The following HOMER2 variants were observed in gnomAD, a reference collection of about 807,000 sequenced individuals.
The protein encoded by HOMER2 is homer scaffold protein 2.
A neutral mutation model predicts 47.0 loss-of-function variants in HOMER2; 27 were observed. The ratio of observed to expected loss-of-function variants is 0.57; its 90% CI spans 0.42 to 0.79. The LOEUF is 0.79. Ranked by LOEUF, HOMER2 falls within the 30% of genes least tolerant of loss-of-function variation. The probability of loss-of-function intolerance (pLI) is 0.00; values close to 1 mark genes in which losing one functional copy is unlikely to be tolerated. For synonymous variants in HOMER2, 161 were observed against 163.8 expected, an observed-to-expected ratio of 0.98 and a Z score of 0.13; for missense variants, 443 against 435.0, an observed-to-expected ratio of 1.02 and a Z score of -0.16.
chr15:82,946,429 C>T (rs1431211609), intron 1 of HOMER2, among the ~76,000 whole-genome samples: 1 of 152,228 alleles, frequency 6.6e-6, no homozygotes, highest in African/African-American at 2.4e-5. Flanking sequence ...TCTGCTCCAG[C>T]CATACTAGCT....
At chr15:82,945,753 G>A (rs967740348) in intron 1 of HOMER2, among the ~76,000 whole-genome samples, 5 of 152,056 alleles carry the variant, frequency 3.3e-5, no homozygotes, top group South Asian at 2.1e-4. Flanking sequence ...GGCAAATCAC[G>A]AGGTCAGGAG....
chr15:82,928,940 T>TAAAAAAAAAAAAAAAA lies in HOMER2; in HGVS notation c.5+23575_5+23590dup. Among the ~76,000 whole-genome samples, 14 of 39,920 alleles carry TAAAAAAAAAAAAAAAA rather than the reference T, an allele frequency of 3.5e-4. 3 individuals carry two copies. The highest frequency in any genetic ancestry group is 9.3e-4 in the African/African-American group (6 of 6,478). The allele number at this position is 39,920 out of a possible 152,430, so 26.2% of individuals were successfully genotyped here. Reference sequence around the variant, plus strand: ...TAACAACTGGCAAAAAAATAAAAACTAAAAAAAAAAAAAAAAAAAAGCTGT... The same window carrying TAAAAAAAAAAAAAAAA: ...TAACAACTGGCAAAAAAATAAAAACTAAAAAAAAAAAAAAAAAAAAAAAAAAAAAAAAAAAAGCTGT... On this transcript the variant is annotated intron_variant, in intron 1 of 8. Transcript: ENST00000450735.
intron 1 of HOMER2, among the ~76,000 whole-genome samples, chr15:82,902,197 A>ATTTT (rs35594463): frequency 0.17 from 22,806 of 134,834 alleles, 2,339 homozygotes; most frequent in South Asian, 0.32. Context: ...CATCCAAGTG[A>ATTTT]TTTTTTTTTT....
chr15:82,951,680 C>G (rs980638271), intron 1 of HOMER2, among the ~76,000 whole-genome samples: 6 of 152,268 alleles, frequency 3.9e-5, no homozygotes, highest in Admixed American at 6.5e-5. Flanking sequence ...AAGGCCACCC[C>G]TGCTACACAA....
At position 82,849,886 on chromosome 15, in the gene HOMER2, A is replaced by AT; in HGVS notation, c.860dup (p.Asn287LysfsTer16). On this transcript the variant is annotated frameshift_variant, in exon 9 of 9. Transcript: ENST00000450735. LOFTEE classifies it high-confidence loss of function. ...AACGCACTTTGTCTTCCAGGTTTTGATTGTCTCTCTCTGCCGCCTGGCCAA... is the reference window on the plus strand; with the variant it reads ...AACGCACTTTGTCTTCCAGGTTTTGATTTGTCTCTCTCTGCCGCCTGGCCAA... The AT allele has an allele frequency of 6.2e-7, 1 of 1,613,796 alleles. No homozygotes were observed. Among genetic ancestry groups the AT allele is most frequent in the South Asian group, 1.1e-5 (1 of 91,036 alleles).
At chr15:82,954,459 A>AG (rs1305018959), upstream of HOMER2, among the ~76,000 whole-genome samples, 43 of 124,602 alleles carry the variant, frequency 3.5e-4, no homozygotes, top group Non-Finnish European at 6.3e-4. Context: ...CACCACGCCC[A>AG]GTTTTTTTTT....
chr15:82,854,556 G>A (rs2053189434), intron 6 of HOMER2, 88 bp downstream of exon 6: 1 of 1,396,250 alleles, frequency 7.2e-7, no homozygotes, highest in Admixed American at 2.1e-5. Flanking sequence ...GGGCAAAGTT[G>A]GGGAGGGAGA....
chr15:82,876,725 C>T (rs945464858), intron 2 of HOMER2, among the ~76,000 whole-genome samples: 1 of 152,208 alleles, frequency 6.6e-6, no homozygotes, highest in African/African-American at 2.4e-5. Flanking sequence ...CAATGGTCAA[C>T]TCAGAACACT....
At chr15:82,978,081 C>A (rs1165553209) in intron 1 of HOMER2, among the ~76,000 whole-genome samples, 1 of 152,158 alleles carries the variant, frequency 6.6e-6, no homozygotes, top group Non-Finnish European at 1.5e-5. Context: ...ACCCGGGAGG[C>A]AGAGGTTATG....
intron 2 of HOMER2, among the ~76,000 whole-genome samples, chr15:82,890,254 A>G (rs1356036609): frequency 6.6e-6 from 1 of 152,170 alleles, no homozygotes; most frequent in Non-Finnish European, 1.5e-5. Context: ...AGGTGGGAGA[A>G]TCGCTTGATC....
chr15:82,923,857 C>T (rs1032694102), intron 1 of HOMER2, among the ~76,000 whole-genome samples: 1 of 152,174 alleles, frequency 6.6e-6, no homozygotes, highest in Non-Finnish European at 1.5e-5. Flanking sequence ...GTGACCCTTC[C>T]CAATGCGCCC....
rs566499205 is a variant in HOMER2 at position 82,912,196 on chromosome 15, G to C, written c.6-19355C>G. Among the ~76,000 whole-genome samples the C allele has an allele frequency of 9.2e-5, 14 of 152,150 alleles. No homozygotes were observed. The East Asian group carries it at 2.7e-3, about 29-fold the overall frequency. On this transcript the variant is annotated intron_variant, in intron 1 of 8. Coordinates refer to ENST00000450735, the MANE Select transcript of HOMER2 (RefSeq NM_004839.4). ...TAACCATCACCACTGCTTAATTTCA[G>C]GGCATTTTCAGAGCACCCCTCAAAC...
intron 2 of HOMER2, among the ~76,000 whole-genome samples, chr15:82,880,142 G>C (rs1275407081): frequency 6.6e-6 from 1 of 152,206 alleles, no homozygotes; most frequent in African/African-American, 2.4e-5. Context: ...CCTATGGCCT[G>C]TTTTTGTAAT....
At chr15:82,895,375 G>C (rs2052874293) in intron 1 of HOMER2, among the ~76,000 whole-genome samples, 1 of 152,170 alleles carries the variant, frequency 6.6e-6, no homozygotes, top group Non-Finnish European at 1.5e-5. Flanking sequence ...TGTCAAGAGA[G>C]GCCAGACGAC....
chr15:82,881,951 G>A (rs1395911167), intron 2 of HOMER2, among the ~76,000 whole-genome samples: 2 of 152,250 alleles, frequency 1.3e-5, no homozygotes, highest in Non-Finnish European at 2.9e-5. Context: ...TTTCTCATAA[G>A]GATGGCAGTG....
At chr15:82,932,928 C>G (rs542123950) in intron 1 of HOMER2, among the ~76,000 whole-genome samples, 5 of 152,232 alleles carry the variant, frequency 3.3e-5, no homozygotes, top group African/African-American at 7.2e-5. Flanking sequence ...TCCCACCGAT[C>G]TGAACCCCAC....
At position 82,869,450 on chromosome 15, in the gene HOMER2, C is replaced by CTTTTTTTT. The variant is rs71822678; in HGVS notation, c.295-5199_295-5192dup. 3.6e-4 allele frequency among the ~76,000 whole-genome samples: 25 copies of CTTTTTTTT among 70,240 alleles called. 7 individuals are homozygous for CTTTTTTTT. The highest frequency in any genetic ancestry group is 1.0e-3 in the African/African-American group (17 of 16,694). 46.1% of individuals were successfully genotyped at this position (70,240 alleles called of 152,430 possible). A position where few individuals can be genotyped will look rare whatever the true frequency, so the allele number is the denominator to read the frequency against. On this transcript the variant is annotated intron_variant, in intron 3 of 8. Coordinates refer to ENST00000450735, the MANE Select transcript of HOMER2 (RefSeq NM_004839.4). ...AATTATATGATTTTCTACTAAACAT[C>CTTTTTTTT]TTTTTTTTTTTTTTTTTTTTTTTTT...
chr15:82,939,053 T>C (rs536721553), intron 1 of HOMER2, among the ~76,000 whole-genome samples: 1 of 152,358 alleles, frequency 6.6e-6, no homozygotes, highest in South Asian at 2.1e-4. Context: ...TTAGAGGTGA[T>C]GGCTCCCAAA....
intron 6 of HOMER2, 105 bp downstream of exon 6, chr15:82,854,539 G>C (rs570922449): frequency 8.2e-7 from 1 of 1,226,780 alleles, no homozygotes; most frequent in Admixed American, 2.3e-5. Context: ...TCTGGCCATG[G>C]GGATAAGGGC....
Sources: allele counts gnomAD v4.1 joint callset (sites outside exome capture counted in the v4.1 genomes callset), GRCh38; gene constraint gnomAD v4.1.1; transcripts MANE v1.5; gene names NCBI Gene and HGNC (gene_info 2026-07-23, HGNC 2026-07-21).